Variants in SNAP91 observed in about 807,000 individuals in gnomAD.
SNAP91 encodes clathrin coat assembly protein AP180.
SNAP91 carries 27 observed loss-of-function variants against 100.3 expected under a neutral mutation model. The observed-to-expected ratio is 0.27, with a 90% CI of 0.20 to 0.37. The LOEUF is 0.37. Among genes scored for constraint, SNAP91 ranks in the 10% least tolerant of loss-of-function variants. The pLI is 1.00. For synonymous variants in SNAP91, 404 were observed against 398.6 expected (o/e 1.01, Z -0.16); for missense variants, 986 against 1,123.7 (o/e 0.88, Z 1.75).
In SNAP91 at chr6:83,625,453, A is replaced by G. The variant is rs143937191; in HGVS notation, c.766-2111T>C. Among the ~76,000 whole-genome samples, 6 of 152,276 alleles carry G rather than the reference A, an allele frequency of 3.9e-5. No individual in the cohort carries two copies. In the East Asian group the frequency reaches 1.2e-3, roughly 29 times the overall value. ...CAGAAGTTCTATTGTTAGTTCTTTG[A>G]GAAATCTCCAAACTGCTTTCCACAG... On this transcript the variant is annotated intron_variant, in intron 8 of 29. Coordinates refer to ENST00000369694, the MANE Select transcript of SNAP91 (RefSeq NM_001242792.2).
intron 2 of SNAP91, among the ~76,000 whole-genome samples, chr6:83,669,621 C>T (rs994888931): frequency 2.6e-5 from 4 of 151,966 alleles, no homozygotes; most frequent in Non-Finnish European, 4.4e-5. Flanking sequence ...CCAAAAGTTT[C>T]CCCATACCCT....
At chr6:83,661,406 A>G in intron 5 of SNAP91, 96 bp downstream of exon 5, 1 of 688,522 alleles carries the variant, frequency 1.5e-6, no homozygotes, top group Non-Finnish European at 2.4e-6. Flanking sequence ...TGGGCCTTCA[A>G]GAAAATTAGC....
At chr6:83,595,033 A>T (rs1353390876) in intron 16 of SNAP91, among the ~76,000 whole-genome samples, 1 of 152,186 alleles carries the variant, frequency 6.6e-6, no homozygotes, top group African/African-American at 2.4e-5. Flanking sequence ...TTTACTAAGC[A>T]TTCCTAAGTG....
Position 83,620,763 on chromosome 6 carries a change from G to C in SNAP91, c.807+2538C>G, listed in dbSNP as rs531770582. ...GTCTCGCTCTGTCGCCCAGGCTGGAGTACAGTGGCGCGATCTCGGCTCACT... is the reference window on the plus strand; with the variant it reads ...GTCTCGCTCTGTCGCCCAGGCTGGACTACAGTGGCGCGATCTCGGCTCACT... On this transcript the variant is annotated intron_variant, in intron 9 of 29. Transcript: ENST00000369694. Among the ~76,000 whole-genome samples the C allele has an allele frequency of 4.6e-5, 7 of 151,968 alleles. No individual in the cohort carries two copies. The East Asian group carries it at 1.2e-3, about 25-fold the overall frequency.
intron 26 of SNAP91, among the ~76,000 whole-genome samples, chr6:83,568,105 A>T (rs1444383078): frequency 6.6e-6 from 1 of 151,966 alleles, no homozygotes; most frequent in Non-Finnish European, 1.5e-5. Context: ...AAAATGTCCA[A>T]CAATGATAGA....
At chr6:83,706,963 T>G (rs1436212614) in intron 2 of SNAP91, among the ~76,000 whole-genome samples, 2 of 152,240 alleles carry the variant, frequency 1.3e-5, no homozygotes, top group African/African-American at 4.8e-5. Flanking sequence ...AAAGATTTAC[T>G]GTTAATTAAG....
intron 8 of SNAP91, among the ~76,000 whole-genome samples, chr6:83,634,897 C>T (rs893551807): frequency 6.6e-6 from 1 of 152,134 alleles, no homozygotes; most frequent in Non-Finnish European, 1.5e-5. Flanking sequence ...TTGTTGTTTA[C>T]CCAATAGTCA....
intron 27 of SNAP91, among the ~76,000 whole-genome samples, chr6:83,560,636 T>C (rs1219844346): frequency 3.3e-5 from 5 of 152,236 alleles, no homozygotes; most frequent in African/African-American, 2.4e-5. Flanking sequence ...AAAAATGATA[T>C]AACAATGTAC....
chr6:83,705,344 C>A (rs1455764989), intron 2 of SNAP91, among the ~76,000 whole-genome samples: 6 of 152,022 alleles, frequency 3.9e-5, no homozygotes, highest in Non-Finnish European at 8.8e-5. Context: ...ATAAAGACTG[C>A]AATATGTACG....
At chr6:83,681,167 C>T (rs1409936119) in intron 2 of SNAP91, among the ~76,000 whole-genome samples, 1 of 152,098 alleles carries the variant, frequency 6.6e-6, no homozygotes, top group African/African-American at 2.4e-5. Flanking sequence ...TTTTGTCAGT[C>T]AAAAATGGTT....
intron 2 of SNAP91, chr6:83,678,733 A>G: frequency 1.6e-6 from 2 of 1,288,708 alleles, no homozygotes; most frequent in East Asian, 5.6e-5. Context: ...CCTTGGCACC[A>G]TCTCCCAGCA....
intron 26 of SNAP91, among the ~76,000 whole-genome samples, chr6:83,569,094 T>C (rs1288527891): frequency 6.6e-6 from 1 of 152,126 alleles, no homozygotes; most frequent in East Asian, 1.9e-4. Context: ...GGAGTATCTA[T>C]ATAAAAGAAT....
At position 83,606,414 on chromosome 6, in the gene SNAP91, T is replaced by C. The variant is rs369028791; in HGVS notation, c.1023-611A>G. 3.2e-4 allele frequency among the ~76,000 whole-genome samples: 49 copies of C among 151,160 alleles called. No homozygotes were observed. The East Asian group carries it at 8.3e-3, about 26-fold the overall frequency. On this transcript the variant is annotated intron_variant, in intron 13 of 29. Coordinates refer to ENST00000369694, the MANE Select transcript of SNAP91 (RefSeq NM_001242792.2). ...TTTTACTCAGTTGAGGCTGTGCTTT[T>C]CAAAGCTTCTCTGTCTGTAGAATCT...
intron 11 of SNAP91, among the ~76,000 whole-genome samples, chr6:83,613,486 A>AT (rs2096280553): frequency 6.6e-6 from 1 of 152,234 alleles, no homozygotes; most frequent in African/African-American, 2.4e-5. Context: ...CCATGATTTA[A>AT]TTAAAAGGTT....
At chr6:83,602,612 G>A (rs898192028) in intron 14 of SNAP91, among the ~76,000 whole-genome samples, 5 of 151,942 alleles carry the variant, frequency 3.3e-5, no homozygotes, top group African/African-American at 9.7e-5. Flanking sequence ...GGTATCCACC[G>A]GGCAAATTGT....
At position 83,593,518 on chromosome 6, in the gene SNAP91, G is replaced by A. The variant is rs956100726; in HGVS notation, c.1656C>T (p.Ala552=). ...GAGCAGGAGGAGCAGTGGTGGCGGT[G>A]GCAGCGGAGGTGGTGGTAGTGGTGG... is the stretch of plus-strand genomic sequence containing the variant. ...AATTTTTTSA[A]TATTAPPALD... The change falls in exon 18 of 30, where the codon GCC becomes GCT. Residue 552 remains alanine, a synonymous_variant. Coordinates refer to ENST00000369694, the MANE Select transcript of SNAP91 (RefSeq NM_001242792.2). 2.1e-5 allele frequency: 33 copies of A among 1,552,430 alleles called. No individual in the cohort carries two copies. In the African/African-American group the frequency reaches 3.0e-4, roughly 14 times the overall value.
chr6:83,639,144 T>G (rs978554116), intron 8 of SNAP91, among the ~76,000 whole-genome samples: 3 of 152,188 alleles, frequency 2.0e-5, no homozygotes, highest in African/African-American at 7.2e-5. Flanking sequence ...AAAGTTGTAT[T>G]TTGAAAATCA....
rs1829890295 is a variant in SNAP91 at position 83,582,466 on chromosome 6, T to G, written c.2015-110A>C. 4 of 1,123,324 alleles carry G rather than the reference T, an allele frequency of 3.6e-6. 1 individual carries two copies. In the South Asian group the frequency reaches 5.2e-5, roughly 15 times the overall value. 69.6% of individuals were successfully genotyped at this position (1,123,324 alleles called of 1,614,324 possible). ...AACTGAAAAGGAATTAATTGCATGT[T>G]GATTAGCAGTCAGTGAAACAGAGAA... On this transcript the variant is annotated intron_variant, in intron 22 of 29. Transcript: ENST00000369694.
At chr6:83,642,172 A>G (rs1301966772) in intron 7 of SNAP91, among the ~76,000 whole-genome samples, 3 of 148,004 alleles carry the variant, frequency 2.0e-5, no homozygotes, top group African/African-American at 7.5e-5. Flanking sequence ...CTATTTTTTC[A>G]GTATTCTTTT....
Sources: gnomAD v4.1 joint callset for allele counts (sites outside exome capture counted in the v4.1 genomes callset) on GRCh38, gnomAD v4.1.1 for gene constraint, MANE v1.5 for transcripts, NCBI Gene and HGNC (gene_info 2026-07-23, HGNC 2026-07-21) for gene names.